KRT85: variants seen among roughly 807,000 people sequenced by gnomAD.
KRT85 encodes keratin, type II cuticular Hb5.
A neutral mutation model predicts 53.7 loss-of-function variants in KRT85; 39 were observed. The observed-to-expected ratio is 0.73, with a 90% CI of 0.56 to 0.95. The LOEUF (loss-of-function observed/expected upper bound fraction) is 0.95, where lower values mean the gene tolerates loss of function less well. Ranked by LOEUF, KRT85 falls within the 40% of genes least tolerant of loss-of-function variation. The pLI, the probability that KRT85 is intolerant of heterozygous loss-of-function variation, is 0.00. For synonymous variants in KRT85, 291 were observed against 277.5 expected (o/e 1.05, Z -0.48); for missense variants, 668 against 686.0 (o/e 0.97, Z 0.29).
Position 52,362,373 on chromosome 12 carries a change from C to T in KRT85, c.1176G>A (p.Leu392=), listed in dbSNP as rs1220703786. ...AGGCCATGTCCTGCTTGGCCTTCTG[C>T]AGGGCGCCCTCCAGCTCAGCCAGCT... The part of the protein sequence containing the change: ...RCKLAELEGA[L]QKAKQDMACL... Residue 392 remains leucine, a synonymous_variant, in exon 7 of 9, where the codon CTG becomes CTA. Coordinates refer to ENST00000257901, the MANE Select transcript of KRT85 (RefSeq NM_002283.4). The T allele has an allele frequency of 2.5e-6, 4 of 1,614,096 alleles. No individual in the cohort carries two copies. Among genetic ancestry groups the T allele is most frequent in the Non-Finnish European group, 3.4e-6 (4 of 1,180,040 alleles).
chr12:52,364,436 A>G, intron 2 of KRT85, 70 bp from the exon 3 acceptor site: 1 of 1,613,712 alleles, frequency 6.2e-7, no homozygotes, highest in South Asian at 1.1e-5. Flanking sequence ...CTCCTGGGCA[A>G]GTTCTTCCGG....
chr12:52,365,211 G>A (rs759567197), intron 1 of KRT85, 41 bp from the exon 2 acceptor site: 4 of 1,605,108 alleles, frequency 2.5e-6, no homozygotes, highest in Non-Finnish European at 8.5e-7. Flanking sequence ...GGGAGCCTGG[G>A]GGGAGGCACC....
chr12:52,360,515 C>A lies in KRT85; in HGVS notation c.*338G>T. 8.7e-6 allele frequency: 3 copies of A among 343,562 alleles called. No individual in the cohort carries two copies. Among genetic ancestry groups the A allele is most frequent in the South Asian group, 2.7e-5 (1 of 36,368 alleles). 21.3% of individuals were successfully genotyped at this position (343,562 alleles called of 1,614,324 possible). On this transcript the variant is annotated 3_prime_UTR_variant, in exon 9 of 9. Transcript: ENST00000257901. ...TGGCGCCTCCACCCAGAAGGTGGAG[C>A]TTCCGTGCTGACCACCACGCTGGGG... is the stretch of plus-strand genomic sequence containing the variant.
rs1334437287 is a variant in KRT85, at chr12:52,364,129, A to T, written c.725T>A (p.Leu242Gln). The change falls in exon 4 of 9, where the codon CTG (leucine) becomes CAG (glutamine). Residue 242 changes from leucine to glutamine, a missense_variant. Leu to Gln is a moderately radical substitution (Grantham distance 113). Around this residue, in one of 3 missense-constraint regions of KRT85, gnomAD observed 488 missense variants for 498.1 expected, o/e 0.98. Transcript: ENST00000257901. ...CACCAGGGCCTCCACATTGGCCTCC[A>T]GGTCTGATTTCCGCAGGTAGGCACA... is the stretch of plus-strand genomic sequence containing the variant. The part of the protein sequence containing the change: ...VDCAYLRKSD[L>Q]EANVEALVEE... 2 of 1,613,986 alleles carry T rather than the reference A, an allele frequency of 1.2e-6. No homozygotes were observed. Among genetic ancestry groups the T allele is most frequent in the Admixed American group, 3.3e-5 (2 of 60,000 alleles).
rs549707125 is a variant in KRT85 at position 52,363,284 on chromosome 12, G to T, written c.913C>A (p.Arg305Ser). Residue 305 changes from arginine to serine, a missense_variant, in exon 5 of 9, where the codon CGC becomes AGC. Arg to Ser is a moderately radical substitution (Grantham distance 110, BLOSUM62 -1). This residue lies in a region of KRT85 where 488 missense variants were observed against 498.1 expected (regional missense o/e 0.98). Transcript: ENST00000257901. ...CAGGACTCAGCCTCGGCCCGGCTGC[G>T]GCTGGCAACATCGTCATACTGAGCC... The part of the protein sequence containing the change: ...IKAQYDDVAS[R>S]SRAEAESWYR... The T allele has an allele frequency of 6.2e-7, 1 of 1,614,176 alleles. No individual in the cohort carries two copies. Among genetic ancestry groups the T allele is most frequent in the Non-Finnish European group, 8.5e-7 (1 of 1,180,030 alleles).
Position 52,367,265 on chromosome 12 carries a change from C to G in KRT85, c.141G>C (p.Gly47=). 6.2e-7 allele frequency: 1 copy of G among 1,612,362 alleles called. No homozygotes were observed. The highest frequency in any genetic ancestry group is 8.5e-7 in the Non-Finnish European group (1 of 1,178,812). ...GGCTGCGGCTGCCGAAGCCCGTCAG[C>G]CCTCGGTAGCAGGACACCCCTCGGT... The part of the protein sequence containing the change: ...APYRGVSCYR[G]LTGFGSRSLC... The change falls in exon 1 of 9, where the codon GGG becomes GGC. Residue 47 remains glycine, a synonymous_variant. Coordinates refer to ENST00000257901, the MANE Select transcript of KRT85 (RefSeq NM_002283.4).
rs772203842 is a variant in KRT85, at chr12:52,361,514, ACT to A, written c.1299-18_1299-17del. 6 of 1,612,786 alleles carry A rather than the reference ACT, an allele frequency of 3.7e-6. No individual in the cohort carries two copies. Among genetic ancestry groups the A allele is most frequent in the Non-Finnish European group, 3.4e-6 (4 of 1,178,826 alleles). Reference sequence around the variant, plus strand: ...TTCACACAGCCTATGGAGAAAGAAAACTCTGTTAGTTCCAGACACTGAGTTGG... The same window carrying A: ...TTCACACAGCCTATGGAGAAAGAAAACTGTTAGTTCCAGACACTGAGTTGG... On this transcript the variant is annotated splice_polypyrimidine_tract_variant and intron_variant, in intron 7 of 8. Transcript: ENST00000257901.
Position 52,367,205 on chromosome 12 carries a change from A to AGCCG in KRT85, c.200_201insCGGC (p.Val68GlyfsTer146). ...AGGAGCCGGCTCGGAAGCCACCTAC[A>AGCCG]GCTATCCGGGGCCCGCAGGAGCCCA... On this transcript the variant is annotated frameshift_variant, in exon 1 of 9. Coordinates refer to ENST00000257901, the MANE Select transcript of KRT85 (RefSeq NM_002283.4). LOFTEE classifies it high-confidence loss of function. 1 of 1,613,776 alleles carries AGCCG rather than the reference A, an allele frequency of 6.2e-7. No homozygotes were observed. Among genetic ancestry groups the AGCCG allele is most frequent in the Non-Finnish European group, 8.5e-7 (1 of 1,179,842 alleles).
In KRT85 at chr12:52,363,378, G is replaced by A; in HGVS notation, c.819C>T (p.Asp273=). Residue 273 remains aspartate (D), a synonymous_variant, in exon 5 of 9, where the codon GAC becomes GAT. Coordinates refer to ENST00000257901, the MANE Select transcript of KRT85 (RefSeq NM_002283.4). The part of the protein sequence containing the change: ...EIRVLQAHIS[D]TSVIVKMDNS... ...TGTCCATCTTGACTATGACCGAGGTGTCTGAGATGTGGGCTTGGAGAACGC... is the reference window on the plus strand; with the variant it reads ...TGTCCATCTTGACTATGACCGAGGTATCTGAGATGTGGGCTTGGAGAACGC... 1 of 1,614,166 alleles carries A rather than the reference G, an allele frequency of 6.2e-7. No individual in the cohort carries two copies. Among genetic ancestry groups the A allele is most frequent in the Non-Finnish European group, 8.5e-7 (1 of 1,180,036 alleles).
In KRT85 at chr12:52,367,396, G is replaced by C; in HGVS notation, c.10C>G (p.Arg4Gly). The change falls in exon 1 of 9, where the codon CGC becomes GGC. Residue 4 changes from arginine to glycine, a missense_variant. Physicochemically the swap from Arg to Gly is moderately radical, Grantham distance 125. Transcript: ENST00000257901. ...CATCCTGAGCTGATCCTGTAGGAGC[G>C]GCACGACATCGTGTGAGGCTGAGCA... Reference protein sequence around the residue: MSCRSYRISSGCGV... With the variant: MSCGSYRISSGCGV... 6.2e-7 allele frequency: 1 copy of C among 1,614,058 alleles called. No individual in the cohort carries two copies. Among genetic ancestry groups the C allele is most frequent in the Non-Finnish European group, 8.5e-7 (1 of 1,180,016 alleles).
intron 8 of KRT85, 42 bp from the exon 9 acceptor site, chr12:52,361,088 A>G: frequency 6.6e-7 from 1 of 1,521,804 alleles, no homozygotes; most frequent in South Asian, 1.2e-5. Flanking sequence ...AGCTCCCTGC[A>G]ATCTCACCCA....
Position 52,362,979 on chromosome 12 carries a change from A to T in KRT85, c.952T>A (p.Cys318Ser). The change falls in exon 6 of 9, where the codon TGT becomes AGT. Residue 318 changes from cysteine (C) to serine (S), a missense_variant and splice_region_variant. Around this residue, in one of 3 missense-constraint regions of KRT85, gnomAD observed 488 missense variants for 498.1 expected, o/e 0.98. Coordinates refer to ENST00000257901, the MANE Select transcript of KRT85 (RefSeq NM_002283.4). The stretch of plus-strand genomic sequence containing the variant: ...ATCACCGTGGCCTTCATCTCCTCAC[A>T]CTGGAGGAAGTAGAGATGCTCATGA... ...AEAESWYRSK[C>S]EEMKATVIRH... is the part of the protein sequence containing the mutation. 6.2e-7 allele frequency: 1 copy of T among 1,613,962 alleles called. No homozygotes were observed. Among genetic ancestry groups the T allele is most frequent in the Non-Finnish European group, 8.5e-7 (1 of 1,179,986 alleles).
chr12:52,361,846 AG>A (rs3837477), intron 7 of KRT85, among the ~76,000 whole-genome samples: 82,827 of 151,726 alleles, frequency 0.55, 23,005 homozygotes, highest in African/African-American at 0.65. Context: ...AAATGCATAT[AG>A]AAGTGCATCA....
chr12:52,363,002 T>G, intron 5 of KRT85, 23 bp from the exon 6 acceptor site: 1 of 1,614,108 alleles, frequency 6.2e-7, no homozygotes, highest in Non-Finnish European at 8.5e-7. Flanking sequence ...GAGATGCTCA[T>G]GAGGCTCAGG....
At chr12:52,362,738 G>C in intron 6 of KRT85, 116 bp downstream of exon 6, 2 of 1,509,136 alleles carry the variant, frequency 1.3e-6, no homozygotes, top group Non-Finnish European at 1.8e-6. Flanking sequence ...AAATATGATA[G>C]AGCCCCTCCC....
Position 52,364,338 on chromosome 12 carries a change from TG to T in KRT85, c.657del (p.Thr220GlnfsTer9), listed in dbSNP as rs755675057. On this transcript the variant is annotated frameshift_variant, in exon 3 of 9. Coordinates refer to ENST00000257901, the MANE Select transcript of KRT85 (RefSeq NM_002283.4). LOFTEE classifies it high-confidence loss of function. The part of the protein sequence containing the change: ...KKYEEEVALR[A>X]TAENEFVVLK... ...AGAACGACAAACTCATTCTCTGCTG[TG>T]GCTCTCAGGGCCACCTCCTCTTCAT... 2 of 1,614,198 alleles carry T rather than the reference TG, an allele frequency of 1.2e-6. No individual in the cohort carries two copies. The highest frequency in any genetic ancestry group is 2.2e-5 in the South Asian group (2 of 91,080).
In KRT85 at chr12:52,361,013, C is replaced by T. The variant is rs935922035; in HGVS notation, c.1364G>A (p.Gly455Glu). ...VSSSRGGVSC[G>E]GLSYSTTPGR... ...TGGGGTGGTGCTGTAGGAGAGGCCC[C>T]CACAGGAGACTCCACCACGGGAGCT... Residue 455 changes from glycine (G) to glutamate (E), a missense_variant, in exon 9 of 9, where the codon GGG becomes GAG. This residue lies in a region of KRT85 where 488 missense variants were observed against 498.1 expected (regional missense o/e 0.98). Coordinates refer to ENST00000257901, the MANE Select transcript of KRT85 (RefSeq NM_002283.4). 6.2e-7 allele frequency: 1 copy of T among 1,613,462 alleles called. No homozygotes were observed. The highest frequency in any genetic ancestry group is 1.1e-5 in the South Asian group (1 of 91,034).
chr12:52,361,978 G>A (rs1193498136), intron 7 of KRT85, among the ~76,000 whole-genome samples: 1 of 152,134 alleles, frequency 6.6e-6, no homozygotes, highest in Non-Finnish European at 1.5e-5. Context: ...TAACTGCGTA[G>A]CCATGATAAA....
intron 2 of KRT85, 78 bp from the exon 3 acceptor site, chr12:52,364,444 C>G (rs17657396): frequency 3.1e-6 from 5 of 1,612,374 alleles, no homozygotes; most frequent in Non-Finnish European, 2.5e-6. Context: ...CAAGTTCTTC[C>G]GGGGATTGAA....
Sources: allele counts gnomAD v4.1 joint callset (sites outside exome capture counted in the v4.1 genomes callset), GRCh38; gene constraint gnomAD v4.1.1; regional missense constraint gnomAD v4.1.1; transcripts MANE v1.5; gene names NCBI Gene and HGNC (gene_info 2026-07-23, HGNC 2026-07-21).